The following UBR3 variants were observed in gnomAD, a reference collection of about 807,000 sequenced individuals.
UBR3 encodes ubiquitin protein ligase E3 component n-recognin 3, also known as E3 ubiquitin-protein ligase UBR3.
UBR3 carries 85 observed loss-of-function variants against 243.2 expected under a neutral mutation model. The ratio of observed to expected loss-of-function variants is 0.35; its 90% CI spans 0.29 to 0.42. UBR3 has a LOEUF of 0.42. Among genes scored for constraint, UBR3 ranks in the 10% least tolerant of loss-of-function variants. The pLI is 1.00. For synonymous variants in UBR3, 748 were observed against 799.8 expected (o/e 0.94, Z 1.09); for missense variants, 1,686 against 2,300.8 (o/e 0.73, Z 5.47).
chr2:169,911,705 C>G (rs7593011), intron 10 of UBR3, among the ~76,000 whole-genome samples: 4 of 151,876 alleles, frequency 2.6e-5, no homozygotes, highest in African/African-American at 9.7e-5. Flanking sequence ...TTTACACTTG[C>G]GCTAAGAGCA....
chr2:169,969,117 G>C (rs2087964709), intron 24 of UBR3, among the ~76,000 whole-genome samples: 1 of 152,144 alleles, frequency 6.6e-6, no homozygotes, highest in Admixed American at 6.5e-5. Context: ...ATAGTTTACA[G>C]ATATTTTCTC....
intron 35 of UBR3, among the ~76,000 whole-genome samples, chr2:170,072,500 C>G (rs1053114129): frequency 2.0e-5 from 3 of 151,976 alleles, no homozygotes; most frequent in African/African-American, 4.8e-5. Flanking sequence ...TACAGCACAT[C>G]AGCATGGCAC....
chr2:169,869,467 G>A (rs560336853), intron 1 of UBR3, among the ~76,000 whole-genome samples: 20 of 151,926 alleles, frequency 1.3e-4, no homozygotes, highest in African/African-American at 4.3e-4. Flanking sequence ...CAAGCAATCC[G>A]CCCATGTCAG....
intron 5 of UBR3, among the ~76,000 whole-genome samples, chr2:169,880,416 G>T (rs1375257299): frequency 6.6e-6 from 1 of 152,008 alleles, no homozygotes; most frequent in Non-Finnish European, 1.5e-5. Flanking sequence ...TTTATTTCTG[G>T]ATATGTAAAA....
At chr2:169,938,042 A>AGAGAT (rs375554933) in intron 19 of UBR3, among the ~76,000 whole-genome samples, 1,774 of 152,306 alleles carry the variant, frequency 0.012, 46 homozygotes, top group African/African-American at 0.039. Flanking sequence ...GATCCTCCCC[A>AGAGAT]GAGATGAGTT....
intron 35 of UBR3, among the ~76,000 whole-genome samples, chr2:170,064,871 C>A (rs1383993339): frequency 7.2e-6 from 1 of 139,578 alleles, no homozygotes; most frequent in Admixed American, 7.7e-5. Context: ...GAGACAGAGA[C>A]TCGCTTTGTC....
At chr2:170,013,598 T>C (rs2090148153) in intron 29 of UBR3, among the ~76,000 whole-genome samples, 1 of 152,154 alleles carries the variant, frequency 6.6e-6, no homozygotes, top group African/African-American at 2.4e-5. Context: ...TTTTCGAGAA[T>C]TCTTTACAAT....
rs554879061 is a variant in UBR3 at position 169,995,007 on chromosome 2, C to T, written c.3918+551C>T. On this transcript the variant is annotated intron_variant, in intron 26 of 38. Coordinates refer to ENST00000272793, the MANE Select transcript of UBR3 (RefSeq NM_172070.4). ...GATCCCTACCTTGTGCTCTGAGCTG[C>T]GGGATAGGCTCCAGCCACTTATGAC... Among the ~76,000 whole-genome samples, 37 of 152,068 alleles carry T rather than the reference C, an allele frequency of 2.4e-4. No homozygotes were observed. The South Asian group carries it at 2.5e-3, about 10-fold the overall frequency.
At chr2:169,848,708 ATTT>A (rs35893950) in intron 1 of UBR3, among the ~76,000 whole-genome samples, 2 of 144,524 alleles carry the variant, frequency 1.4e-5, no homozygotes, top group Non-Finnish European at 1.5e-5. Flanking sequence ...AAGTTTTTTA[ATTT>A]TTTTTTTTTT....
intron 8 of UBR3, among the ~76,000 whole-genome samples, chr2:169,904,849 A>G (rs1160011924): frequency 6.6e-6 from 1 of 152,158 alleles, no homozygotes; most frequent in Non-Finnish European, 1.5e-5. Context: ...ACATATGGTA[A>G]TAATTACTAT....
chr2:170,041,013 AT>A (rs1437895768), intron 32 of UBR3, 28 bp downstream of exon 32: 1 of 1,568,150 alleles, frequency 6.4e-7, no homozygotes, highest in African/African-American at 1.4e-5. Context: ...AGATTCTTTG[AT>A]TATATACTAT....
intron 6 of UBR3, 72 bp downstream of exon 6, chr2:169,891,303 T>G (rs1204727261): frequency 8.6e-7 from 1 of 1,164,428 alleles, no homozygotes; most frequent in Non-Finnish European, 1.2e-6. Flanking sequence ...CTAAAAATAC[T>G]TGATGGGCTA....
At chr2:170,036,395 G>A (rs2090833289) in intron 31 of UBR3, among the ~76,000 whole-genome samples, 1 of 151,964 alleles carries the variant, frequency 6.6e-6, no homozygotes, top group Non-Finnish European at 1.5e-5. Context: ...TTCCAGTTAT[G>A]GGCCAGTGAT....
intron 32 of UBR3, among the ~76,000 whole-genome samples, chr2:170,054,499 G>C (rs539963872): frequency 6.6e-6 from 1 of 152,052 alleles, no homozygotes; most frequent in Admixed American, 6.6e-5. Flanking sequence ...GGCCAGGCTG[G>C]TCTCAAACTC....
chr2:169,891,658 A>G (rs944802197), intron 6 of UBR3, among the ~76,000 whole-genome samples: 1 of 151,312 alleles, frequency 6.6e-6, no homozygotes, highest in African/African-American at 2.4e-5. Context: ...AACAAATAGT[A>G]CTTAACACGT....
chr2:170,019,842 C>T (rs535020755), intron 30 of UBR3, among the ~76,000 whole-genome samples: 11 of 152,292 alleles, frequency 7.2e-5, no homozygotes, highest in African/African-American at 2.6e-4. Flanking sequence ...GTGGCACAAT[C>T]ATAGTTCACT....
intron 24 of UBR3, chr2:169,964,494 C>T: frequency 2.1e-6 from 1 of 465,264 alleles, no homozygotes; most frequent in Non-Finnish European, 4.4e-6. Flanking sequence ...ACCTTATCCT[C>T]TGAGGAAACT....
At chr2:170,013,642 A>G (rs2105409752) in intron 29 of UBR3, among the ~76,000 whole-genome samples, 1 of 152,160 alleles carries the variant, frequency 6.6e-6, no homozygotes, top group South Asian at 2.1e-4. Flanking sequence ...CATCCGTTAT[A>G]TTTGGGGATT....
chr2:170,019,220 G>C (rs2090325048), intron 30 of UBR3, among the ~76,000 whole-genome samples: 1 of 152,142 alleles, frequency 6.6e-6, no homozygotes. Context: ...GGGAAGTTCT[G>C]ACTTAATTTT....
Sources: allele counts gnomAD v4.1 joint callset (sites outside exome capture counted in the v4.1 genomes callset), GRCh38; gene constraint gnomAD v4.1.1; transcripts MANE v1.5; gene names NCBI Gene and HGNC (gene_info 2026-07-23, HGNC 2026-07-21).